PLCB4: variants seen among roughly 807,000 people sequenced by gnomAD.
PLCB4 encodes phospholipase C beta 4.
PLCB4 carries 77 observed loss-of-function variants against 178.8 expected under a neutral mutation model. The ratio of observed to expected loss-of-function variants is 0.43; its 90% CI spans 0.36 to 0.52. PLCB4 has a LOEUF of 0.52. Among genes scored for constraint, PLCB4 ranks in the 20% least tolerant of loss-of-function variants. PLCB4 has a pLI of 0.00. For synonymous variants in PLCB4, 496 were observed against 490.8 expected, an observed-to-expected ratio of 1.01 and a Z score of -0.14; for missense variants, 1,024 against 1,453.4, an observed-to-expected ratio of 0.70 and a Z score of 4.80.
At chr20:9,157,450 G>A (rs900093220) in intron 2 of PLCB4, among the ~76,000 whole-genome samples, 2 of 152,086 alleles carry the variant, frequency 1.3e-5, no homozygotes, top group African/African-American at 4.8e-5. Context: ...GTGTCATATA[G>A]GTAAGGAATG....
At chr20:9,317,357 C>A (rs552883027) in intron 4 of PLCB4, among the ~76,000 whole-genome samples, 5 of 152,158 alleles carry the variant, frequency 3.3e-5, no homozygotes, top group Non-Finnish European at 7.3e-5. Context: ...AGACTGCTCA[C>A]CTTTCTTTTC....
At chr20:9,445,478 C>T (rs190483361) in intron 32 of PLCB4, among the ~76,000 whole-genome samples, 64 of 152,266 alleles carry the variant, frequency 4.2e-4, no homozygotes, top group Non-Finnish European at 8.2e-4. Flanking sequence ...AACCCTGTCC[C>T]CTGTCATTTC....
intron 3 of PLCB4, among the ~76,000 whole-genome samples, chr20:9,284,653 G>T (rs546089922): frequency 4.6e-5 from 7 of 151,868 alleles, no homozygotes; most frequent in Non-Finnish European, 8.8e-5. Flanking sequence ...CTACTTCCAA[G>T]ATTGGCTCTG....
At chr20:9,102,428 A>G (rs543975626) in intron 2 of PLCB4, among the ~76,000 whole-genome samples, 1 of 152,306 alleles carries the variant, frequency 6.6e-6, no homozygotes, top group African/African-American at 2.4e-5. Flanking sequence ...GTGGTTCGAG[A>G]TATACATTTT....
chr20:9,133,566 C>T (rs1038154496), intron 2 of PLCB4, among the ~76,000 whole-genome samples: 13 of 152,270 alleles, frequency 8.5e-5, no homozygotes, highest in African/African-American at 3.1e-4. Flanking sequence ...CACACCCAGT[C>T]TGCAATTACT....
rs534837966 is a variant in PLCB4, at chr20:9,401,331, G to T, written c.1511-159G>T. Among the ~76,000 whole-genome samples the T allele has an allele frequency of 3.8e-4, 58 of 152,286 alleles. 1 individual carries two copies. In the South Asian group the frequency reaches 0.012, roughly 31 times the overall value. On this transcript the variant is annotated intron_variant, in intron 19 of 39. Coordinates refer to ENST00000378473, the MANE Select transcript of PLCB4 (RefSeq NM_001377142.1). Reference sequence around the variant, plus strand: ...CGTTGAATAGGTAAGAGTTTAGTGAGAGTTTTACTTGAAAAAATACTGCAT... The same window carrying T: ...CGTTGAATAGGTAAGAGTTTAGTGATAGTTTTACTTGAAAAAATACTGCAT...
At position 9,435,542 on chromosome 20, in the gene PLCB4, G is replaced by A. The variant is rs201784912; in HGVS notation, c.2525-18G>A. Reference sequence around the variant, plus strand: ...AAAACAGAGAATTAACGGCTCATTGGGTTTTTTTTTCCCCTAGATATCGTG... The same window carrying A: ...AAAACAGAGAATTAACGGCTCATTGAGTTTTTTTTTCCCCTAGATATCGTG... On this transcript the variant is annotated intron_variant, in intron 28 of 39. Transcript: ENST00000378473. The A allele has an allele frequency of 1.1e-4, 153 of 1,445,694 alleles. No individual in the cohort carries two copies. In the East Asian group the frequency reaches 3.2e-3, roughly 30 times the overall value. The allele number at this position is 1,445,694 out of a possible 1,614,324, so 89.6% of individuals were successfully genotyped here.
At chr20:9,204,602 A>G (rs1485379124) in intron 2 of PLCB4, among the ~76,000 whole-genome samples, 1 of 152,060 alleles carries the variant, frequency 6.6e-6, no homozygotes. Flanking sequence ...ACCTCAGGTG[A>G]TCTGCCTGCT....
In PLCB4 at chr20:9,096,356, C is replaced by T. The variant is rs1225915031; in HGVS notation, c.-79+14C>T. The T allele has an allele frequency of 6.6e-6, 1 of 152,036 alleles. No homozygotes were observed. The highest frequency in any genetic ancestry group is 6.6e-5 in the Admixed American group (1 of 15,256). The allele number at this position is 152,036 out of a possible 1,614,324, so 9.4% of individuals were successfully genotyped here. ...TCCCTTAAAAAGGTAGGTGTATGTG[C>T]TTTTTAATTTGTGACTAAAAAAATT... On this transcript the variant is annotated intron_variant, in intron 2 of 39. Transcript: ENST00000378473.
chr20:9,373,270 G>A (rs1208666704), intron 12 of PLCB4, among the ~76,000 whole-genome samples, 166 bp downstream of exon 12: 1 of 152,138 alleles, frequency 6.6e-6, no homozygotes, highest in Non-Finnish European at 1.5e-5. Flanking sequence ...GCCGCCCTGT[G>A]TGTTCATGTG....
intron 3 of PLCB4, among the ~76,000 whole-genome samples, chr20:9,250,880 A>G (rs2094173505): frequency 1.3e-5 from 2 of 152,244 alleles, no homozygotes; most frequent in South Asian, 4.1e-4. Flanking sequence ...TCCATGTCAC[A>G]TTACTCCAGT....
chr20:9,473,257 T>A, intron 37 of PLCB4, 22 bp from the exon 38 acceptor site: 3 of 693,430 alleles, frequency 4.3e-6, no homozygotes, highest in Non-Finnish European at 5.7e-6. Flanking sequence ...AATCAGAATT[T>A]TTTTTTTTTT....
rs986181271 is a variant in PLCB4 at position 9,307,754 on chromosome 20, G to GT, written c.-15-40dup. On this transcript the variant is annotated intron_variant, in intron 3 of 39. Coordinates refer to ENST00000378473, the MANE Select transcript of PLCB4 (RefSeq NM_001377142.1). The stretch of plus-strand genomic sequence containing the variant: ...GCGAAGTGATTAACCATCCTCAATT[G>GT]TTTTTTCATTTTATATACTAACGAG... 4.1e-5 allele frequency: 35 copies of GT among 851,610 alleles called. No individual in the cohort carries two copies. The African/African-American group carries it at 5.5e-4, about 13-fold the overall frequency. 52.8% of individuals were successfully genotyped at this position (851,610 alleles called of 1,614,324 possible).
chr20:9,222,394 T>C (rs2093810922), intron 3 of PLCB4, among the ~76,000 whole-genome samples: 1 of 152,100 alleles, frequency 6.6e-6, no homozygotes, highest in Non-Finnish European at 1.5e-5. Flanking sequence ...TGCCCAGCCC[T>C]CTTGGGTGCC....
At chr20:9,472,516 C>T (rs1475392170) in intron 36 of PLCB4, among the ~76,000 whole-genome samples, 3 of 152,130 alleles carry the variant, frequency 2.0e-5, no homozygotes, top group Non-Finnish European at 2.9e-5. Flanking sequence ...ACACATGGGG[C>T]TTTAATTACA....
chr20:9,393,857 CAATT>C (rs1237432492), intron 18 of PLCB4, among the ~76,000 whole-genome samples, 179 bp downstream of exon 18: 1 of 152,110 alleles, frequency 6.6e-6, no homozygotes, highest in African/African-American at 2.4e-5. Flanking sequence ...ATTTCCATAT[CAATT>C]AATTCATGCA....
intron 28 of PLCB4, among the ~76,000 whole-genome samples, chr20:9,427,699 T>A (rs940227917): frequency 6.6e-6 from 1 of 152,228 alleles, no homozygotes; most frequent in African/African-American, 2.4e-5. Flanking sequence ...CTAATGGCAA[T>A]GAAACGAGGG....
At chr20:9,113,260 C>T (rs996484583) in intron 2 of PLCB4, among the ~76,000 whole-genome samples, 1 of 152,118 alleles carries the variant, frequency 6.6e-6, no homozygotes, top group Non-Finnish European at 1.5e-5. Context: ...GAGCCCTTTG[C>T]TGCTTTAGCT....
intron 2 of PLCB4, among the ~76,000 whole-genome samples, chr20:9,132,822 C>T (rs1335856749): frequency 6.6e-6 from 1 of 152,156 alleles, no homozygotes; most frequent in Non-Finnish European, 1.5e-5. Flanking sequence ...CAACTAAGGG[C>T]AGTTTTGCTT....
Sources: allele counts gnomAD v4.1 joint callset (sites outside exome capture counted in the v4.1 genomes callset), GRCh38; gene constraint gnomAD v4.1.1; transcripts MANE v1.5; gene names NCBI Gene and HGNC (gene_info 2026-07-23, HGNC 2026-07-21).